The following PROX1 variants were observed in gnomAD, a reference collection of about 807,000 sequenced individuals.
PROX1 encodes the protein prospero homeobox 1.
A neutral mutation model predicts 58.8 loss-of-function variants in PROX1; 7 were observed. The observed-to-expected ratio is 0.12, with a 90% CI of 0.07 to 0.22. The LOEUF is 0.22. PROX1 is among the 10% of genes least tolerant of loss of function. The pLI is 1.00. For missense variants in PROX1, 675 were observed against 927.8 expected (o/e 0.73, Z 3.54); for synonymous variants, 350 against 358.3 (o/e 0.98, Z 0.26).
rs777623764 is a variant in PROX1 at position 214,005,233 on chromosome 1, C to T, written c.1794C>T (p.Pro598=). The T allele has an allele frequency of 8.7e-6, 14 of 1,613,928 alleles. No homozygotes were observed. The highest frequency in any genetic ancestry group is 1.2e-5 in the Non-Finnish European group (14 of 1,179,810). ...TCATGTTTTTTTATACCCGTTATCC[C>T]AGCTCCAATATGCTGAAGACCTACT... ...AKLMFFYTRY[P]SSNMLKTYFS... is the part of the protein sequence containing the mutation. Residue 598 remains proline (P), a synonymous_variant, in exon 3 of 5, where the codon CCC becomes CCT. Coordinates refer to ENST00000366958, the MANE Select transcript of PROX1 (RefSeq NM_001270616.2).
Position 214,011,709 on chromosome 1 carries a change from C to G in PROX1, c.2022C>G (p.Asp674Glu), listed in dbSNP as rs934284906. 2 of 1,572,144 alleles carry G rather than the reference C, an allele frequency of 1.3e-6. No homozygotes were observed. Among genetic ancestry groups the G allele is most frequent in the Admixed American group, 3.8e-5 (2 of 52,736 alleles). Residue 674 changes from aspartate (D) to glutamate (E), a missense_variant, in exon 4 of 5, where the codon GAC (aspartate) becomes GAG (glutamate). Physicochemically the swap from Asp to Glu is conservative, Grantham distance 45. Around this residue, in one of 8 missense-constraint regions of PROX1, gnomAD observed 50 missense variants for 79.3 expected, o/e 0.63. Transcript: ENST00000366958. Reference protein sequence around the residue: ...ALNMHYNKANDFEVPERFLEV... With the variant: ...ALNMHYNKANEFEVPERFLEV... ...ACATGCACTACAATAAAGCAAATGA[C>G]TTTGAGGTAGGAACTAATCTTTATT...
In PROX1 at chr1:213,997,482, G is replaced by A; in HGVS notation, c.947G>A (p.Arg316Lys). ...QFIDRARALIREQEMAENKPK... is the reference protein window; with the variant it reads ...QFIDRARALIKEQEMAENKPK... ...ATTGACCGAGCTCGAGCCCTGATCA[G>A]AGAGCAGGAAATGGCTGAAAACAAG... Residue 316 changes from arginine (R) to lysine (K), a missense_variant, in exon 2 of 5, where the codon AGA (arginine) becomes AAA (lysine). Arg to Lys is a conservative substitution (Grantham distance 26, BLOSUM62 2). Transcript: ENST00000366958. This position sits in a 1 kb window ranked among gnomAD's most constrained non-coding sequence, Gnocchi z 7.1. The A allele has an allele frequency of 6.2e-7, 1 of 1,614,114 alleles. No individual in the cohort carries two copies. The highest frequency in any genetic ancestry group is 8.5e-7 in the Non-Finnish European group (1 of 1,180,004).
chr1:213,998,225 G>T lies in PROX1; in HGVS notation c.1690G>T (p.Asp564Tyr). 1 of 1,591,800 alleles carries T rather than the reference G, an allele frequency of 6.3e-7. No individual in the cohort carries two copies. The highest frequency in any genetic ancestry group is 8.6e-7 in the Non-Finnish European group (1 of 1,168,786). ...AAAGTCCGAGTGCGGCGATCTTCAA[G>T]ATATGTCTGAAATATCACCTTATTC... The part of the protein sequence containing the change: ...LIKSECGDLQ[D>Y]MSEISPYSGS... The change falls in exon 2 of 5, where the codon GAT becomes TAT. Residue 564 changes from aspartate to tyrosine, a missense_variant. By Grantham distance (160) the Asp-to-Tyr change is radical. Coordinates refer to ENST00000366958, the MANE Select transcript of PROX1 (RefSeq NM_001270616.2).
chr1:214,018,264 A>C (rs2102746740), intron 4 of PROX1, among the ~76,000 whole-genome samples: 1 of 152,336 alleles, frequency 6.6e-6, no homozygotes, highest in Non-Finnish European at 1.5e-5. Context: ...AATTTTAATG[A>C]CTATTCACTC....
At chr1:214,016,638 C>G (rs758715689) in intron 4 of PROX1, among the ~76,000 whole-genome samples, 1 of 152,202 alleles carries the variant, frequency 6.6e-6, no homozygotes, top group Non-Finnish European at 1.5e-5. Flanking sequence ...TGAATGTTCT[C>G]TAAATATATG....
intron 4 of PROX1, among the ~76,000 whole-genome samples, chr1:214,015,872 C>A (rs1305308648): frequency 2.0e-5 from 3 of 152,150 alleles, no homozygotes; most frequent in African/African-American, 7.2e-5. Flanking sequence ...CCCTCCTGGG[C>A]CCCTCAGTGG....
At chr1:214,033,791 T>C (rs1260637925) in intron 4 of PROX1, among the ~76,000 whole-genome samples, 4 of 152,118 alleles carry the variant, frequency 2.6e-5, no homozygotes. Flanking sequence ...TAGAAAAGAT[T>C]GCTTCACGAA....
intron 4 of PROX1, among the ~76,000 whole-genome samples, chr1:214,015,835 T>G (rs1419459353): frequency 2.6e-5 from 4 of 152,158 alleles, no homozygotes; most frequent in Admixed American, 2.6e-4. Context: ...GGAGGTAGTG[T>G]TTCCCACGCC....
chr1:214,006,150 T>G (rs1002165011), intron 3 of PROX1, among the ~76,000 whole-genome samples: 2 of 151,922 alleles, frequency 1.3e-5, no homozygotes, highest in African/African-American at 4.8e-5. Context: ...GGTGGGTGTT[T>G]TTTCCCCACT....
chr1:214,005,173 A>G lies in PROX1; in HGVS notation c.1734A>G (p.Glu578=). ...ISPYSGSAMQ[E]GLSPNHLKKA... ...AACCAATTGCATCCTACATGCAGGA[A>G]GGATTGTCACCCAATCACTTGAAAA... Residue 578 remains glutamate (E), a synonymous_variant, in exon 3 of 5, where the codon GAA becomes GAG. Transcript: ENST00000366958. 6.2e-7 allele frequency: 1 copy of G among 1,613,478 alleles called. No homozygotes were observed. The highest frequency in any genetic ancestry group is 8.5e-7 in the Non-Finnish European group (1 of 1,179,392).
At chr1:213,994,250 G>A (rs1663144583) in intron 1 of PROX1, among the ~76,000 whole-genome samples, 1 of 152,186 alleles carries the variant, frequency 6.6e-6, no homozygotes, top group Non-Finnish European at 1.5e-5. Context: ...GGTGAACAGG[G>A]AGAGAAAAAA....
intron 2 of PROX1, among the ~76,000 whole-genome samples, chr1:214,002,405 C>CTTTTTTTTTTTTTTTTTTT (rs1558173747): frequency 1.6e-5 from 2 of 121,528 alleles, no homozygotes; most frequent in Non-Finnish European, 3.4e-5. Flanking sequence ...TTTTTTTTTT[C>CTTTTTTTTTTTTTTTTTTT]TTTTTTCTTT....
At chr1:214,009,147 G>C (rs770959425) in intron 3 of PROX1, among the ~76,000 whole-genome samples, 4 of 152,170 alleles carry the variant, frequency 2.6e-5, no homozygotes, top group Non-Finnish European at 4.4e-5. Flanking sequence ...TGCCTAGCCA[G>C]ATTAAGGTGT....
At chr1:214,014,572 C>T (rs1003327373) in intron 4 of PROX1, among the ~76,000 whole-genome samples, 1 of 152,174 alleles carries the variant, frequency 6.6e-6, no homozygotes, top group Non-Finnish European at 1.5e-5. Context: ...GACCTAGGCA[C>T]TCTTCTAAGT....
intron 4 of PROX1, among the ~76,000 whole-genome samples, chr1:214,024,387 A>G (rs1664383200): frequency 6.6e-6 from 1 of 152,164 alleles, no homozygotes; most frequent in African/African-American, 2.4e-5. Context: ...AAGGGATGGG[A>G]TTGAGGCCAA....
At chr1:214,011,407 C>A in intron 3 of PROX1, 114 bp from the exon 4 acceptor site, 1 of 946,058 alleles carries the variant, frequency 1.1e-6, no homozygotes, top group Non-Finnish European at 1.6e-6. Flanking sequence ...GAGTTAAATA[C>A]GTATCTTTCC....
At chr1:214,018,433 T>A (rs1489113047) in intron 4 of PROX1, among the ~76,000 whole-genome samples, 4 of 152,214 alleles carry the variant, frequency 2.6e-5, no homozygotes, top group Non-Finnish European at 5.9e-5. Context: ...CAATTCTATC[T>A]TGTAAGATGA....
chr1:214,039,774 C>T lies in PROX1; in HGVS notation c.*3940C>T, dbSNP rs1002190039. 16 of 151,940 alleles carry T rather than the reference C, an allele frequency of 1.1e-4. No homozygotes were observed. Among genetic ancestry groups the T allele is most frequent in the Admixed American group, 8.5e-4 (13 of 15,248 alleles). 9.4% of individuals were successfully genotyped at this position (151,940 alleles called of 1,614,324 possible). On this transcript the variant is annotated 3_prime_UTR_variant, in exon 5 of 5. Coordinates refer to ENST00000366958, the MANE Select transcript of PROX1 (RefSeq NM_001270616.2). ...TGAAGACATTTAGTAAGTAACACCCCCCCTTCCCATGCGCACATGTGCGCA... is the reference window on the plus strand; with the variant it reads ...TGAAGACATTTAGTAAGTAACACCCTCCCTTCCCATGCGCACATGTGCGCA...
At chr1:213,998,304 G>T (rs200972347) in intron 2 of PROX1, 44 bp downstream of exon 2, 1 of 1,511,526 alleles carries the variant, frequency 6.6e-7, no homozygotes, top group Non-Finnish European at 8.9e-7. Context: ...AACCAAAAAA[G>T]GTTTCCCAAA....
Sources: allele counts gnomAD v4.1 joint callset (sites outside exome capture counted in the v4.1 genomes callset), GRCh38; gene constraint gnomAD v4.1.1; regional missense constraint gnomAD v4.1.1; non-coding constraint Gnocchi (gnomAD v3.1); transcripts MANE v1.5; gene names NCBI Gene and HGNC (gene_info 2026-07-23, HGNC 2026-07-21).